The following STXBP5 variants were observed in gnomAD, a reference collection of about 807,000 sequenced individuals.
The protein encoded by STXBP5 is syntaxin-binding protein 5.
Under a neutral mutation model 152.4 loss-of-function variants are expected in STXBP5, and 50 were observed. The ratio of observed to expected loss-of-function variants is 0.33; its 90% CI spans 0.26 to 0.42. The LOEUF (loss-of-function observed/expected upper bound fraction) is 0.42, where lower values mean the gene tolerates loss of function less well. Ranked by LOEUF, STXBP5 falls within the 10% of genes least tolerant of loss-of-function variation. The pLI, the probability that STXBP5 is intolerant of heterozygous loss-of-function variation, is 1.00. For missense variants in STXBP5, 1,167 were observed against 1,388.6 expected (o/e 0.84, Z 2.54); for synonymous variants, 492 against 494.7 (o/e 0.99, Z 0.07).
chr6:147,353,109 A>G (rs1423242273), intron 21 of STXBP5, among the ~76,000 whole-genome samples: 1 of 152,142 alleles, frequency 6.6e-6, no homozygotes, highest in African/African-American at 2.4e-5. Flanking sequence ...ACACCACTGC[A>G]CTCAGCCTGG....
In STXBP5 at chr6:147,278,216, T is replaced by C. The variant is rs1780538107; in HGVS notation, c.838+12T>C. 1.9e-6 allele frequency: 3 copies of C among 1,592,082 alleles called. No homozygotes were observed. Among genetic ancestry groups the C allele is most frequent in the Non-Finnish European group, 2.6e-6 (3 of 1,167,840 alleles). Reference sequence around the variant, plus strand: ...AATCACTCCACATGGTAAGAATGCATCAATTTTAAATACCACCTAATTGTA... The same window carrying C: ...AATCACTCCACATGGTAAGAATGCACCAATTTTAAATACCACCTAATTGTA... On this transcript the variant is annotated intron_variant, in intron 8 of 27. Transcript: ENST00000321680.
chr6:147,238,579 A>G (rs1420352805), intron 3 of STXBP5, among the ~76,000 whole-genome samples: 1 of 152,208 alleles, frequency 6.6e-6, no homozygotes, highest in Non-Finnish European at 1.5e-5. Context: ...TGATTCTCAA[A>G]TACTGCCAGG....
At chr6:147,307,293 A>G (rs929821719) in intron 9 of STXBP5, among the ~76,000 whole-genome samples, 2 of 152,188 alleles carry the variant, frequency 1.3e-5, no homozygotes, top group Non-Finnish European at 1.5e-5. Flanking sequence ...ATTAAAAGGG[A>G]TTCTACTAAA....
At chr6:147,210,115 T>G (rs1426862950) in intron 2 of STXBP5, among the ~76,000 whole-genome samples, 1 of 151,994 alleles carries the variant, frequency 6.6e-6, no homozygotes, top group Non-Finnish European at 1.5e-5. Flanking sequence ...TCCATATAGG[T>G]AGTAAAGTGA....
At chr6:147,263,340 T>G (rs975227696) in intron 6 of STXBP5, among the ~76,000 whole-genome samples, 6 of 147,618 alleles carry the variant, frequency 4.1e-5, no homozygotes, top group African/African-American at 1.5e-4. Context: ...TTTTCTTTCT[T>G]TCTTTTTTTT....
At chr6:147,210,153 A>G (rs192552910) in intron 2 of STXBP5, among the ~76,000 whole-genome samples, 1 of 152,292 alleles carries the variant, frequency 6.6e-6, no homozygotes, top group Admixed American at 6.5e-5. Context: ...CAGAATGGGA[A>G]TTGGAGAAGG....
intron 4 of STXBP5, among the ~76,000 whole-genome samples, chr6:147,257,989 G>A (rs1398222809): frequency 6.6e-6 from 1 of 152,240 alleles, no homozygotes; most frequent in African/African-American, 2.4e-5. Flanking sequence ...CTGGTGGTTG[G>A]TTCTGGCTAT....
chr6:147,311,133 G>C (rs1241474039), intron 10 of STXBP5, among the ~76,000 whole-genome samples: 3 of 152,152 alleles, frequency 2.0e-5, no homozygotes, highest in African/African-American at 7.2e-5. Context: ...TTGGGTTCCT[G>C]TGAGATTAAA....
intron 18 of STXBP5, among the ~76,000 whole-genome samples, chr6:147,333,594 G>A (rs948232717): frequency 2.0e-5 from 3 of 152,138 alleles, no homozygotes; most frequent in African/African-American, 7.2e-5. Context: ...ACTAATATGT[G>A]CCTCAAAATG....
intron 4 of STXBP5, among the ~76,000 whole-genome samples, chr6:147,240,767 C>T (rs1309514366): frequency 2.0e-5 from 3 of 152,102 alleles, no homozygotes; most frequent in African/African-American, 7.2e-5. Flanking sequence ...ACTTGATTCT[C>T]ATGACATTTC....
At chr6:147,334,464 T>A (rs1420239857) in intron 19 of STXBP5, among the ~76,000 whole-genome samples, 1 of 152,210 alleles carries the variant, frequency 6.6e-6, no homozygotes, top group Non-Finnish European at 1.5e-5. Flanking sequence ...GTTTATTTAA[T>A]GTTCTTATAT....
At chr6:147,289,965 C>G (rs113397448) in intron 8 of STXBP5, among the ~76,000 whole-genome samples, 1 of 152,206 alleles carries the variant, frequency 6.6e-6, no homozygotes, top group African/African-American at 2.4e-5. Context: ...CTTCAGGAGA[C>G]TGCGGCGGGC....
chr6:147,291,217 C>T, intron 9 of STXBP5, 45 bp downstream of exon 9: 1 of 1,470,990 alleles, frequency 6.8e-7, no homozygotes, highest in Non-Finnish European at 9.4e-7. Context: ...TATAAGTCCT[C>T]AAATAGCATG....
chr6:147,273,909 G>A (rs1055922872), intron 7 of STXBP5, among the ~76,000 whole-genome samples: 15 of 150,166 alleles, frequency 1.0e-4, no homozygotes, highest in South Asian at 2.1e-4. Flanking sequence ...ACGAGATGGC[G>A]CCACTGCACT....
intron 4 of STXBP5, among the ~76,000 whole-genome samples, chr6:147,240,170 G>T (rs1000400386): frequency 2.6e-5 from 4 of 152,074 alleles, no homozygotes; most frequent in African/African-American, 9.7e-5. Flanking sequence ...TCGAACTCCT[G>T]ACCTCAAGTG....
At chr6:147,227,369 G>A (rs1483891088) in intron 2 of STXBP5, among the ~76,000 whole-genome samples, 1 of 152,114 alleles carries the variant, frequency 6.6e-6, no homozygotes, top group African/African-American at 2.4e-5. Context: ...CCTTGCCCAT[G>A]CCTACCCCTG....
chr6:147,288,331 T>A (rs1781099033), intron 8 of STXBP5, among the ~76,000 whole-genome samples: 1 of 152,136 alleles, frequency 6.6e-6, no homozygotes, highest in Non-Finnish European at 1.5e-5. Context: ...TTAACAGAGC[T>A]CCAAGAAAAC....
At chr6:147,297,093 G>A (rs914551622) in intron 9 of STXBP5, among the ~76,000 whole-genome samples, 12 of 152,120 alleles carry the variant, frequency 7.9e-5, no homozygotes, top group Non-Finnish European at 1.5e-4. Context: ...GGAGAGATAT[G>A]TATATTCAGA....
At chr6:147,334,341 C>T (rs977353315) in intron 19 of STXBP5, 119 bp downstream of exon 19, 33 of 769,500 alleles carry the variant, frequency 4.3e-5, no homozygotes, top group African/African-American at 2.7e-4. Flanking sequence ...TTTTGTGTCA[C>T]GTATTTAGTC....
Sources: allele counts gnomAD v4.1 joint callset (sites outside exome capture counted in the v4.1 genomes callset), GRCh38; gene constraint gnomAD v4.1.1; transcripts MANE v1.5; gene names NCBI Gene and HGNC (gene_info 2026-07-23, HGNC 2026-07-21).